CRISPLD1: variants seen among roughly 807,000 people sequenced by gnomAD.
The protein encoded by CRISPLD1 is cysteine rich secretory protein LCCL domain containing 1.
Under a neutral mutation model 77.5 loss-of-function variants are expected in CRISPLD1, and 60 were observed. The ratio of observed to expected loss-of-function variants is 0.77; its 90% CI spans 0.63 to 0.96. The LOEUF is 0.96. Ranked by LOEUF, CRISPLD1 falls within the 40% of genes least tolerant of loss-of-function variation. The probability of loss-of-function intolerance (pLI) is 0.00; values close to 1 mark genes in which losing one functional copy is unlikely to be tolerated. For missense variants in CRISPLD1, 623 were observed against 615.8 expected (o/e 1.01, Z -0.12); for synonymous variants, 195 against 200.1 (o/e 0.97, Z 0.22).
chr8:75,020,774 A>T (rs1813122305), intron 12 of CRISPLD1, among the ~76,000 whole-genome samples: 1 of 152,220 alleles, frequency 6.6e-6, no homozygotes, highest in South Asian at 2.1e-4. Context: ...CCAGTTTTTT[A>T]AATTAGATCA....
At chr8:75,025,522 T>C (rs1587029437) in intron 12 of CRISPLD1, 24 bp from the exon 13 acceptor site, 1 of 1,093,936 alleles carries the variant, frequency 9.1e-7, no homozygotes, top group Non-Finnish European at 1.3e-6. Context: ...ACTTAATATA[T>C]ATATAATATA....
At chr8:75,019,761 A>G in intron 10 of CRISPLD1, 109 bp from the exon 11 acceptor site, 3 of 774,010 alleles carry the variant, frequency 3.9e-6, no homozygotes, top group Non-Finnish European at 4.3e-6. Flanking sequence ...TATTTTAGTA[A>G]GTGTTTAAAA....
At chr8:74,987,914 AAAT>A (rs1480932215) in intron 2 of CRISPLD1, among the ~76,000 whole-genome samples, 1 of 152,212 alleles carries the variant, frequency 6.6e-6, no homozygotes, top group South Asian at 2.1e-4. Context: ...CTTCCAAAAA[AAAT>A]AATAATAATA....
intron 10 of CRISPLD1, 82 bp from the exon 11 acceptor site, chr8:75,019,788 A>G (rs969979880): frequency 1.3e-5 from 14 of 1,102,142 alleles, no homozygotes; most frequent in Non-Finnish European, 1.9e-5. Flanking sequence ...TTAAGTGTTC[A>G]TAGACTTGAA....
At chr8:74,986,427 A>G (rs1812500373) in intron 2 of CRISPLD1, among the ~76,000 whole-genome samples, 182 bp downstream of exon 2, 1 of 152,238 alleles carries the variant, frequency 6.6e-6, no homozygotes, top group Non-Finnish European at 1.5e-5. Context: ...AGCTCTTGAC[A>G]TTCAGAGTAG....
intron 1 of CRISPLD1, 63 bp from the exon 2 acceptor site, chr8:74,985,863 G>T (rs973047555): frequency 1.9e-6 from 2 of 1,067,788 alleles, no homozygotes; most frequent in African/African-American, 3.2e-5. Flanking sequence ...TGTTTTGCTC[G>T]TGTTATTAGA....
chr8:74,990,783 A>G (rs1282701250), intron 2 of CRISPLD1, among the ~76,000 whole-genome samples: 17 of 152,130 alleles, frequency 1.1e-4, no homozygotes, highest in Non-Finnish European at 1.5e-5. Context: ...AAAAAAAAAA[A>G]AAAACCAGAA....
chr8:75,019,908 T>C lies in CRISPLD1; in HGVS notation c.1166T>C (p.Val389Ala), dbSNP rs1384640279. 6.2e-7 allele frequency: 1 copy of C among 1,613,212 alleles called. No individual in the cohort carries two copies. The highest frequency in any genetic ancestry group is 8.5e-7 in the Non-Finnish European group (1 of 1,179,278). The change falls in exon 11 of 15, where the codon GTA becomes GCA. Residue 389 changes from valine (V) to alanine (A), a missense_variant. Physicochemically the swap from Val to Ala is moderately conservative, Grantham distance 64. Coordinates refer to ENST00000262207, the MANE Select transcript of CRISPLD1 (RefSeq NM_031461.6). ...GCTAATTCCTTCACAGTCTCTAAAGTAACAGGTTAGCACATTCTTCATCTT... is the reference window on the plus strand; with the variant it reads ...GCTAATTCCTTCACAGTCTCTAAAGCAACAGGTTAGCACATTCTTCATCTT... ...QSANSFTVSK[V>A]TVQAVTCETT...
At chr8:75,013,826 T>C (rs182914586) in intron 4 of CRISPLD1, among the ~76,000 whole-genome samples, 161 bp from the exon 5 acceptor site, 1 of 152,318 alleles carries the variant, frequency 6.6e-6, no homozygotes, top group African/African-American at 2.4e-5. Flanking sequence ...TAGGTATTAC[T>C]CAAGGTCTCA....
intron 2 of CRISPLD1, chr8:75,000,553 TCC>T: frequency 5.6e-6 from 2 of 355,642 alleles, no homozygotes; most frequent in Non-Finnish European, 7.9e-6. Flanking sequence ...CCTATTGCCC[TCC>T]CTGTTTTCTT....
intron 10 of CRISPLD1, among the ~76,000 whole-genome samples, chr8:75,019,593 T>A (rs1262428310): frequency 6.6e-6 from 1 of 151,830 alleles, no homozygotes; most frequent in East Asian, 1.9e-4. Flanking sequence ...CCAAATATAT[T>A]TTTTATATAT....
chr8:74,993,926 AG>A (rs1563607590), intron 2 of CRISPLD1, among the ~76,000 whole-genome samples: 1 of 152,234 alleles, frequency 6.6e-6, no homozygotes, highest in Non-Finnish European at 1.5e-5. Flanking sequence ...TGGCAGACAG[AG>A]GGAGCATGAG....
chr8:75,005,323 C>A (rs935726839), intron 2 of CRISPLD1, among the ~76,000 whole-genome samples: 4 of 151,834 alleles, frequency 2.6e-5, no homozygotes, highest in Non-Finnish European at 5.9e-5. Context: ...CAAAAGAATT[C>A]GGAAAGACTT....
chr8:74,998,411 G>A (rs550646253), intron 2 of CRISPLD1, among the ~76,000 whole-genome samples: 16 of 152,120 alleles, frequency 1.1e-4, no homozygotes, highest in African/African-American at 3.6e-4. Flanking sequence ...TTAGTCCAGC[G>A]CCGTGGCTCA....
Position 74,986,035 on chromosome 8 carries a change from C to G in CRISPLD1, c.48C>G (p.Phe16Leu), listed in dbSNP as rs747883597. ...GGCTCAGAGTAACCACAGTGCTGTT[C>G]ATGGCTAGAGCAATTCCAGCCATGG... is the stretch of plus-strand genomic sequence containing the variant. ...REWLRVTTVL[F>L]MARAIPAMVV... The change falls in exon 2 of 15, where the codon TTC becomes TTG. Residue 16 changes from phenylalanine (F) to leucine (L), a missense_variant. Physicochemically the swap from Phe to Leu is conservative, Grantham distance 22 (BLOSUM62 0). Coordinates refer to ENST00000262207, the MANE Select transcript of CRISPLD1 (RefSeq NM_031461.6). The G allele has an allele frequency of 6.2e-7, 1 of 1,614,072 alleles. No individual in the cohort carries two copies. The highest frequency in any genetic ancestry group is 8.5e-7 in the Non-Finnish European group (1 of 1,180,016).
chr8:74,986,275 A>G, intron 2 of CRISPLD1, 30 bp downstream of exon 2: 3 of 1,592,634 alleles, frequency 1.9e-6, no homozygotes, highest in Non-Finnish European at 2.6e-6. Context: ...GGTATGTACA[A>G]AAGAAATGTT....
intron 10 of CRISPLD1, 60 bp downstream of exon 10, chr8:75,017,510 CA>C (rs1400758718): frequency 7.1e-7 from 1 of 1,415,224 alleles, no homozygotes. Flanking sequence ...TGAGCTAACA[CA>C]TTTTTTTTTA....
Position 75,029,451 on chromosome 8 carries a change from A to T in CRISPLD1, c.1385A>T (p.Asp462Val). Residue 462 changes from aspartate to valine, a missense_variant, in exon 14 of 15, where the codon GAT becomes GTT. Transcript: ENST00000262207. ...GVVRNHGGYVDVMPVDKRKTY... is the reference protein window; with the variant it reads ...GVVRNHGGYVVVMPVDKRKTY... ...GTTCGAAATCACGGTGGTTATGTTG[A>T]TGTAATGCCTGTGGACAAAAGAAAG... is the stretch of plus-strand genomic sequence containing the variant. 6.2e-7 allele frequency: 1 copy of T among 1,613,846 alleles called. No homozygotes were observed. The highest frequency in any genetic ancestry group is 1.3e-5 in the African/African-American group (1 of 75,032).
rs1813396627 is a variant in CRISPLD1, at chr8:75,033,826, C to T, written c.*1584C>T. On this transcript the variant is annotated 3_prime_UTR_variant, in exon 15 of 15. Coordinates refer to ENST00000262207, the MANE Select transcript of CRISPLD1 (RefSeq NM_031461.6). ...TGGTTCCAAATACTGGTAATTAAAA[C>T]AATGATGTATACGTTAAAGATTGCA... is the stretch of plus-strand genomic sequence containing the variant. 2.0e-5 allele frequency: 3 copies of T among 151,810 alleles called. 1 individual carries two copies. Among genetic ancestry groups the T allele is most frequent in the Non-Finnish European group, 4.4e-5 (3 of 67,864 alleles). The allele number at this position is 151,810 out of a possible 1,614,324, so 9.4% of individuals were successfully genotyped here. A position where few individuals can be genotyped will look rare whatever the true frequency, so the allele number is the denominator to read the frequency against.
Sources: allele counts gnomAD v4.1 joint callset (sites outside exome capture counted in the v4.1 genomes callset), GRCh38; gene constraint gnomAD v4.1.1; transcripts MANE v1.5; gene names NCBI Gene and HGNC (gene_info 2026-07-23, HGNC 2026-07-21).